NF1: variants seen among roughly 807,000 people sequenced by gnomAD.
The protein encoded by NF1 is neurofibromin.
NF1 carries 122 observed loss-of-function variants against 325.7 expected under a neutral mutation model. The observed-to-expected ratio is 0.37, with a 90% confidence interval of 0.32 to 0.44. NF1 has a LOEUF of 0.44. NF1 is among the 20% of genes least tolerant of loss of function. The pLI, the probability that NF1 is intolerant of heterozygous loss-of-function variation, is 1.00. For synonymous variants in NF1, 1,091 were observed against 1,186.0 expected (o/e 0.92, Z 1.65); for missense variants, 2,140 against 3,415.4 (o/e 0.63, Z 9.31).
chr17:31,173,109 C>T (rs928916987), intron 5 of NF1, among the ~76,000 whole-genome samples: 8 of 151,848 alleles, frequency 5.3e-5, no homozygotes, highest in East Asian at 1.9e-4. Context: ...GGGGAAACTC[C>T]GTCTCCATTA....
chr17:31,249,191 A>G, intron 30 of NF1, 72 bp downstream of exon 30: 1 of 1,512,124 alleles, frequency 6.6e-7, no homozygotes, highest in Non-Finnish European at 9.2e-7. Flanking sequence ...TCAAAGAAGG[A>G]TCTAGCTGCT....
intron 8 of NF1, among the ~76,000 whole-genome samples, chr17:31,197,190 A>G (rs1298967235): frequency 2.0e-5 from 3 of 151,700 alleles, no homozygotes; most frequent in African/African-American, 7.3e-5. Flanking sequence ...GACTACAGGG[A>G]CCCGCCACCA....
chr17:31,095,269 G>GCCCACCCTTCCCTCCGCCGC lies in NF1; in HGVS notation c.-37_-18dup. ...GCCCTCTTCCCGGCCCAGGGCGCCG[G>GCCCACCCTTCCCTCCGCCGC]CCCACCCTTCCCTCCGCCGCCCCCC... On this transcript the variant is annotated 5_prime_UTR_variant, in exon 1 of 58. Transcript: ENST00000358273. The GCCCACCCTTCCCTCCGCCGC allele has an allele frequency of 6.5e-7, 1 of 1,529,878 alleles. No individual in the cohort carries two copies. Among genetic ancestry groups the GCCCACCCTTCCCTCCGCCGC allele is most frequent in the South Asian group, 1.2e-5 (1 of 83,782 alleles). The allele number at this position is 1,529,878 out of a possible 1,614,324, so 94.8% of individuals were successfully genotyped here.
At chr17:31,247,816 T>G (rs1306649029) in intron 29 of NF1, among the ~76,000 whole-genome samples, 2 of 152,232 alleles carry the variant, frequency 1.3e-5, no homozygotes, top group Non-Finnish European at 2.9e-5. Context: ...GTGAACTATA[T>G]CTTCATCTAT....
chr17:31,169,803 C>T (rs770697767), intron 4 of NF1, 88 bp from the exon 5 acceptor site: 9 of 927,110 alleles, frequency 9.7e-6, no homozygotes, highest in Non-Finnish European at 1.6e-5. Context: ...GCCTTGGCCT[C>T]CTGAAGTGCT....
intron 1 of NF1, among the ~76,000 whole-genome samples, chr17:31,128,903 G>A (rs2143445778): frequency 6.7e-6 from 1 of 149,658 alleles, no homozygotes; most frequent in South Asian, 2.2e-4. Context: ...TCCAGCCTGG[G>A]TGACAAGAGT....
intron 11 of NF1, among the ~76,000 whole-genome samples, chr17:31,205,902 T>TA (rs879834365): frequency 1.2e-3 from 171 of 141,872 alleles, no homozygotes; most frequent in Admixed American, 2.0e-3. Context: ...ACATTAAACT[T>TA]AAAAAAAAAA....
At chr17:31,244,307 C>A (rs918030009) in intron 29 of NF1, among the ~76,000 whole-genome samples, 2 of 152,092 alleles carry the variant, frequency 1.3e-5, no homozygotes, top group Non-Finnish European at 2.9e-5. Flanking sequence ...TGTAAGCATT[C>A]CCTTGGTTGC....
chr17:31,358,905 T>G (rs1405052364), intron 55 of NF1, 64 bp from the exon 56 acceptor site: 1 of 1,413,768 alleles, frequency 7.1e-7, no homozygotes. Context: ...TATGACTTAT[T>G]TAATTTCTGT....
At chr17:31,158,132 C>G (rs1008791635) in intron 2 of NF1, among the ~76,000 whole-genome samples, 1 of 152,140 alleles carries the variant, frequency 6.6e-6, no homozygotes, top group Non-Finnish European at 1.5e-5. Flanking sequence ...CTCTCTTCTA[C>G]TTTTTACTCT....
chr17:31,367,106 C>T (rs879227165), intron 57 of NF1: 1 of 386,794 alleles, frequency 2.6e-6, no homozygotes, highest in Admixed American at 4.2e-5. Context: ...TAATTAAAAC[C>T]AGATTCCTTC....
chr17:31,294,895 A>T, intron 36 of NF1: 2 of 1,386,166 alleles, frequency 1.4e-6, no homozygotes, highest in Non-Finnish European at 2.0e-6. Flanking sequence ...AAATGTTAAG[A>T]CTGGCTTTCT....
rs2066529819 is a variant in NF1 at position 31,201,499 on chromosome 17, G to A, written c.1260+14G>A. 6.3e-7 allele frequency: 1 copy of A among 1,595,680 alleles called. No individual in the cohort carries two copies. Among genetic ancestry groups the A allele is most frequent in the Non-Finnish European group, 8.6e-7 (1 of 1,166,312 alleles). ...ATCATCACCAATGTAAGTCCAAAAGGTATTGCTAAATTACTAAAAAAATTT... is the reference window on the plus strand; with the variant it reads ...ATCATCACCAATGTAAGTCCAAAAGATATTGCTAAATTACTAAAAAAATTT... On this transcript the variant is annotated intron_variant, in intron 11 of 57. Coordinates refer to ENST00000358273, the MANE Select transcript of NF1 (RefSeq NM_001042492.3).
intron 5 of NF1, among the ~76,000 whole-genome samples, chr17:31,177,039 A>G (rs901733711): frequency 6.6e-6 from 1 of 152,166 alleles, no homozygotes; most frequent in Admixed American, 6.5e-5. Flanking sequence ...TAATTCTGTG[A>G]AGAAAGTCAG....
intron 8 of NF1, among the ~76,000 whole-genome samples, chr17:31,189,828 C>G (rs2143823183): frequency 7.1e-6 from 1 of 140,794 alleles, no homozygotes; most frequent in East Asian, 2.2e-4. Flanking sequence ...ATGGCACAAT[C>G]TCCGCTTAGT....
chr17:31,267,232 T>G (rs2067807936), intron 36 of NF1, among the ~76,000 whole-genome samples: 1 of 152,126 alleles, frequency 6.6e-6, no homozygotes, highest in Admixed American at 6.5e-5. Context: ...GCACCTGGCC[T>G]TAGCTGCATA....
chr17:31,315,522 A>ATG (rs2068998273), intron 36 of NF1, among the ~76,000 whole-genome samples: 1 of 152,218 alleles, frequency 6.6e-6, no homozygotes, highest in Non-Finnish European at 1.5e-5. Context: ...CCCTTTAAAT[A>ATG]TATACACCTA....
chr17:31,358,126 G>A (rs1054506224), intron 54 of NF1: 4 of 346,272 alleles, frequency 1.2e-5, no homozygotes, highest in Non-Finnish European at 2.2e-5. Context: ...GCGCATGTCA[G>A]TATACAACAG....
chr17:31,274,123 T>A (rs2067956361), intron 36 of NF1, among the ~76,000 whole-genome samples: 1 of 152,190 alleles, frequency 6.6e-6, no homozygotes, highest in Non-Finnish European at 1.5e-5. Context: ...TTAAACTTCA[T>A]TAATATGAAA....
Sources: gnomAD v4.1 joint callset for allele counts (sites outside exome capture counted in the v4.1 genomes callset) on GRCh38, gnomAD v4.1.1 for gene constraint, MANE v1.5 for transcripts, NCBI Gene and HGNC (gene_info 2026-07-23, HGNC 2026-07-21) for gene names.